GRM8: variants seen among roughly 807,000 people sequenced by gnomAD.
GRM8 encodes glutamate metabotropic receptor 8.
GRM8 carries 47 observed loss-of-function variants against 87.2 expected under a neutral mutation model. The ratio of observed to expected loss-of-function variants is 0.54; its 90% confidence interval spans 0.43 to 0.69. GRM8 has a LOEUF of 0.69. GRM8 is among the 30% of genes least tolerant of loss of function. The pLI is 0.00. For missense variants in GRM8, 1,019 were observed against 1,139.2 expected (o/e 0.89, Z 1.52); for synonymous variants, 396 against 404.5 (o/e 0.98, Z 0.25).
chr7:127,201,011 C>T (rs1795557170), intron 2 of GRM8, among the ~76,000 whole-genome samples: 1 of 152,112 alleles, frequency 6.6e-6, no homozygotes, highest in Non-Finnish European at 1.5e-5. Context: ...TTTATTATAT[C>T]CAAGATCATA....
intron 3 of GRM8, among the ~76,000 whole-genome samples, chr7:127,094,894 A>C (rs1476153776): frequency 6.6e-6 from 1 of 152,206 alleles, no homozygotes; most frequent in Non-Finnish European, 1.5e-5. Flanking sequence ...ATTCCTTTAT[A>C]CTTGGGAATT....
At chr7:126,938,306 T>C (rs911406254) in intron 3 of GRM8, among the ~76,000 whole-genome samples, 31 of 152,298 alleles carry the variant, frequency 2.0e-4, no homozygotes, top group Admixed American at 1.8e-3. Context: ...AGACAGAACC[T>C]GAGTTTCTGG....
intron 6 of GRM8, among the ~76,000 whole-genome samples, chr7:126,851,639 C>G (rs1380808970): frequency 6.6e-6 from 1 of 152,056 alleles, no homozygotes; most frequent in Admixed American, 6.6e-5. Context: ...CTGTTCAGGG[C>G]CTTTGCAATG....
intron 7 of GRM8, among the ~76,000 whole-genome samples, chr7:126,751,201 C>T (rs1202888342): frequency 2.0e-5 from 3 of 151,890 alleles, no homozygotes; most frequent in African/African-American, 7.2e-5. Context: ...AATAAGGCCA[C>T]AAAATGAGAT....
rs774270153 is a variant in GRM8 at position 126,769,995 on chromosome 7, T to C, written c.1227A>G (p.Val409=). Residue 409 remains valine (V), a synonymous_variant, in exon 7 of 11, where the codon GTA becomes GTG. Coordinates refer to ENST00000339582, the MANE Select transcript of GRM8 (RefSeq NM_000845.3). ...TGTGCAGGGCGTAAGCCATGGAATATACAGCATCAATTACAAATTGGACCT... is the reference window on the plus strand; with the variant it reads ...TGTGCAGGGCGTAAGCCATGGAATACACAGCATCAATTACAAATTGGACCT... ...EGKVQFVIDA[V]YSMAYALHNM... 9 of 1,612,532 alleles carry C rather than the reference T, an allele frequency of 5.6e-6. No individual in the cohort carries two copies. The highest frequency in any genetic ancestry group is 2.2e-5 in the East Asian group (1 of 44,802).
At chr7:126,622,346 C>T (rs1800261947) in intron 7 of GRM8, among the ~76,000 whole-genome samples, 1 of 152,122 alleles carries the variant, frequency 6.6e-6, no homozygotes, top group Non-Finnish European at 1.5e-5. Context: ...CCCATTTCCC[C>T]CTCGCTTCTA....
chr7:126,886,931 G>A (rs1018655209), intron 6 of GRM8, among the ~76,000 whole-genome samples: 3 of 152,052 alleles, frequency 2.0e-5, no homozygotes, highest in Admixed American at 6.6e-5. Flanking sequence ...GCAAAAGGCC[G>A]AAAGAAGGAA....
At chr7:126,775,149 T>C (rs1381775154) in intron 6 of GRM8, among the ~76,000 whole-genome samples, 1 of 152,166 alleles carries the variant, frequency 6.6e-6, no homozygotes, top group African/African-American at 2.4e-5. Flanking sequence ...TGAATTTTTC[T>C]GAATTATGAA....
At chr7:126,631,933 A>G (rs1171059075) in intron 7 of GRM8, among the ~76,000 whole-genome samples, 1 of 152,246 alleles carries the variant, frequency 6.6e-6, no homozygotes, top group African/African-American at 2.4e-5. Context: ...AATCCCTAGA[A>G]GAAAATCTAG....
At chr7:127,238,884 A>T (rs1344434173) in intron 2 of GRM8, among the ~76,000 whole-genome samples, 1 of 152,220 alleles carries the variant, frequency 6.6e-6, no homozygotes, top group Non-Finnish European at 1.5e-5. Context: ...AACCTCCCCA[A>T]CTGATGCCAG....
chr7:126,543,683 C>T (rs1399074724), intron 8 of GRM8, among the ~76,000 whole-genome samples: 1 of 152,092 alleles, frequency 6.6e-6, no homozygotes, highest in Non-Finnish European at 1.5e-5. Context: ...ATTTCAAAGG[C>T]ACAGGTATAT....
At chr7:126,930,609 A>G (rs942924485) in intron 3 of GRM8, among the ~76,000 whole-genome samples, 1 of 152,172 alleles carries the variant, frequency 6.6e-6, no homozygotes, top group Non-Finnish European at 1.5e-5. Flanking sequence ...TGATAATCCA[A>G]TTCCATCATC....
At chr7:126,962,069 T>A (rs559727052) in intron 3 of GRM8, among the ~76,000 whole-genome samples, 2 of 152,242 alleles carry the variant, frequency 1.3e-5, no homozygotes, top group Non-Finnish European at 2.9e-5. Context: ...ATATTGTTCA[T>A]ATATACAATG....
intron 6 of GRM8, among the ~76,000 whole-genome samples, chr7:126,792,231 A>G (rs1821425617): frequency 6.6e-6 from 1 of 152,168 alleles, no homozygotes; most frequent in South Asian, 2.1e-4. Flanking sequence ...TGGATATTTA[A>G]AAGAACATCA....
chr7:127,093,330 G>T (rs1824336585), intron 3 of GRM8, among the ~76,000 whole-genome samples: 1 of 151,928 alleles, frequency 6.6e-6, no homozygotes, highest in South Asian at 2.1e-4. Context: ...ACACAGTAGG[G>T]GCTCAAATAT....
intron 2 of GRM8, among the ~76,000 whole-genome samples, chr7:127,212,185 T>C (rs1796247799): frequency 6.6e-6 from 1 of 152,186 alleles, no homozygotes; most frequent in Admixed American, 6.5e-5. Flanking sequence ...TCAATTCTAT[T>C]ACTATTTTTC....
At chr7:126,695,239 G>A (rs961431657) in intron 7 of GRM8, among the ~76,000 whole-genome samples, 2 of 152,056 alleles carry the variant, frequency 1.3e-5, no homozygotes, top group African/African-American at 4.8e-5. Context: ...TTATTATTAT[G>A]AAGAAAATGA....
chr7:127,022,338 T>A (rs1816358107), intron 3 of GRM8, among the ~76,000 whole-genome samples: 1 of 152,100 alleles, frequency 6.6e-6, no homozygotes, highest in Non-Finnish European at 1.5e-5. Flanking sequence ...TTAATTCATT[T>A]AAAAATGGAG....
chr7:127,015,152 A>G (rs114882712), intron 3 of GRM8, among the ~76,000 whole-genome samples: 1,300 of 70,252 alleles, frequency 0.019, 147 homozygotes, highest in African/African-American at 0.085. Flanking sequence ...AGGAAGAAGG[A>G]AGAAGGAGAA....
Sources: allele counts gnomAD v4.1 joint callset (sites outside exome capture counted in the v4.1 genomes callset), GRCh38; gene constraint gnomAD v4.1.1; transcripts MANE v1.5; gene names NCBI Gene and HGNC (gene_info 2026-07-23, HGNC 2026-07-21).